Variants in PIP5K1A observed in about 807,000 individuals in gnomAD.
PIP5K1A encodes the protein phosphatidylinositol-4-phosphate 5-kinase type 1 alpha.
Under a neutral mutation model 72.9 loss-of-function variants are expected in PIP5K1A, and 46 were observed. The observed-to-expected ratio is 0.63, with a 90% confidence interval of 0.50 to 0.81. The LOEUF is 0.81. Ranked by LOEUF, PIP5K1A falls within the 30% of genes least tolerant of loss-of-function variation. The pLI, the probability that PIP5K1A is intolerant of heterozygous loss-of-function variation, is 0.00. For missense variants in PIP5K1A, 458 were observed against 706.1 expected, an observed-to-expected ratio of 0.65 and a Z score of 3.98; for synonymous variants, 228 against 255.1, an observed-to-expected ratio of 0.89 and a Z score of 1.01.
chr1:151,236,133 A>G (rs1690821823), intron 8 of PIP5K1A, among the ~76,000 whole-genome samples: 1 of 150,992 alleles, frequency 6.6e-6, no homozygotes, highest in Non-Finnish European at 1.5e-5. Context: ...AAAAAAAAAA[A>G]AAAAATTTAG....
chr1:151,224,502 C>G (rs1392833072), intron 3 of PIP5K1A, 96 bp downstream of exon 3: 20 of 876,680 alleles, frequency 2.3e-5, no homozygotes, highest in Non-Finnish European at 3.7e-5. Context: ...GTACCAAATG[C>G]AATATATACC....
At chr1:151,208,191 G>A (rs587667336) in intron 1 of PIP5K1A, among the ~76,000 whole-genome samples, 1 of 151,992 alleles carries the variant, frequency 6.6e-6, no homozygotes, top group East Asian at 1.9e-4. Flanking sequence ...CTTTTAATTG[G>A]CTATTAGCTG....
At chr1:151,227,013 G>A (rs1452140504) in intron 3 of PIP5K1A, among the ~76,000 whole-genome samples, 1 of 152,172 alleles carries the variant, frequency 6.6e-6, no homozygotes, top group Non-Finnish European at 1.5e-5. Flanking sequence ...GGCAACAAGA[G>A]CGAGACTCTG....
In PIP5K1A at chr1:151,232,338, A is replaced by C. The variant is rs1194515615; in HGVS notation, c.459A>C (p.Leu153=). Residue 153 remains leucine, a synonymous_variant, in exon 6 of 16, where the codon CTA becomes CTC. Coordinates refer to ENST00000368888, the MANE Select transcript of PIP5K1A (RefSeq NM_001135638.2). ...APVAFRYFRE[L]FGIRPDDYLY... ...TTGCCTTCCGCTACTTCCGGGAGCT[A>C]TTTGGTATCCGGCCCGATGATTACT... The C allele has an allele frequency of 6.2e-7, 1 of 1,613,804 alleles. No homozygotes were observed. Among genetic ancestry groups the C allele is most frequent in the Non-Finnish European group, 8.5e-7 (1 of 1,179,700 alleles).
intron 1 of PIP5K1A, among the ~76,000 whole-genome samples, chr1:151,220,510 C>G (rs1688269641): frequency 6.6e-6 from 1 of 151,938 alleles, no homozygotes; most frequent in African/African-American, 2.4e-5. Context: ...CTCTTTCGCC[C>G]AGGCAGGAGT....
At chr1:151,209,575 G>A (rs587622059) in intron 1 of PIP5K1A, among the ~76,000 whole-genome samples, 1 of 152,178 alleles carries the variant, frequency 6.6e-6, no homozygotes, top group South Asian at 2.1e-4. Flanking sequence ...GAGTAGCTGG[G>A]ATTACAGGTA....
chr1:151,228,005 T>C (rs924569681), intron 4 of PIP5K1A, among the ~76,000 whole-genome samples: 3 of 152,222 alleles, frequency 2.0e-5, no homozygotes, highest in Non-Finnish European at 2.9e-5. Flanking sequence ...GCCATTCTTA[T>C]CTTACCACAG....
chr1:151,211,590 A>C (rs1686797115), intron 1 of PIP5K1A, among the ~76,000 whole-genome samples: 1 of 151,792 alleles, frequency 6.6e-6, no homozygotes, highest in African/African-American at 2.4e-5. Flanking sequence ...AGGTCAGGAG[A>C]TCGAGACCAT....
Position 151,206,845 on chromosome 1 carries a change from C to T in PIP5K1A, c.85+7764C>T, listed in dbSNP as rs148620650. Among the ~76,000 whole-genome samples the T allele has an allele frequency of 4.5e-3, 686 of 152,178 alleles. 6 individuals carry two copies. Among genetic ancestry groups the T allele is most frequent in the African/African-American group, 0.016 (650 of 41,506 alleles). On this transcript the variant is annotated intron_variant, in intron 1 of 15. Coordinates refer to ENST00000368888, the MANE Select transcript of PIP5K1A (RefSeq NM_001135638.2). ...CCTCCCAAAGTGCTGGGATTATAGG[C>T]GTGAGCCACCTTCCCGGCTATTTTT...
chr1:151,243,133 A>G (rs1292774458), intron 14 of PIP5K1A, among the ~76,000 whole-genome samples: 1 of 152,194 alleles, frequency 6.6e-6, no homozygotes, highest in Non-Finnish European at 1.5e-5. Flanking sequence ...ATGGGTGTGA[A>G]TACCAGGAGG....
chr1:151,208,255 A>G (rs1461413077), intron 1 of PIP5K1A, among the ~76,000 whole-genome samples: 1 of 152,270 alleles, frequency 6.6e-6, no homozygotes, highest in African/African-American at 2.4e-5. Flanking sequence ...GTTTCTAGGG[A>G]CATCCTTGCA....
At chr1:151,235,662 T>C (rs587627004) in intron 8 of PIP5K1A, among the ~76,000 whole-genome samples, 2 of 152,334 alleles carry the variant, frequency 1.3e-5, no homozygotes, top group East Asian at 1.9e-4. Context: ...CAGAACCTCA[T>C]TGTGGAATCT....
chr1:151,208,719 C>CTTTTTTTTTT lies in PIP5K1A; in HGVS notation c.85+9659_85+9668dup, dbSNP rs61545057. On this transcript the variant is annotated intron_variant, in intron 1 of 15. Transcript: ENST00000368888. The stretch of plus-strand genomic sequence containing the variant: ...TTATTAAGGATGTTGTAATGGTACG[C>CTTTTTTTTTT]TTTTTTTTTTTTTTTTTTTTTTTTT... Among the ~76,000 whole-genome samples, 25 of 43,162 alleles carry CTTTTTTTTTT rather than the reference C, an allele frequency of 5.8e-4. 8 individuals are homozygous for CTTTTTTTTTT. The highest frequency in any genetic ancestry group is 9.5e-4 in the Non-Finnish European group (22 of 23,042). The allele number at this position is 43,162 out of a possible 152,430, so 28.3% of individuals were successfully genotyped here. A position where few individuals can be genotyped will look rare whatever the true frequency, so the allele number is the denominator to read the frequency against.
chr1:151,214,162 G>A (rs1002255803), intron 1 of PIP5K1A, among the ~76,000 whole-genome samples: 24 of 152,026 alleles, frequency 1.6e-4, no homozygotes, highest in Admixed American at 1.4e-3. Context: ...TATATTATCA[G>A]TTCCCTATTG....
chr1:151,199,156 A>G (rs765593260), intron 1 of PIP5K1A, 75 bp downstream of exon 1: 1 of 1,607,928 alleles, frequency 6.2e-7, no homozygotes, highest in African/African-American at 1.3e-5. Context: ...CTAAGAGGGT[A>G]CCTGTAGCTG....
upstream of PIP5K1A, among the ~76,000 whole-genome samples, chr1:151,197,146 G>A (rs1406528287): frequency 1.3e-5 from 2 of 152,136 alleles, no homozygotes; most frequent in African/African-American, 2.4e-5. Context: ...TCAGGCGTGA[G>A]CCACGGCGCC....
chr1:151,205,100 G>A (rs1685749609), intron 1 of PIP5K1A, among the ~76,000 whole-genome samples: 1 of 152,104 alleles, frequency 6.6e-6, no homozygotes, highest in African/African-American at 2.4e-5. Context: ...ATAATACCAG[G>A]CCAGCTAGCA....
intron 1 of PIP5K1A, among the ~76,000 whole-genome samples, chr1:151,204,063 T>C (rs879530349): frequency 6.6e-6 from 1 of 152,126 alleles, no homozygotes; most frequent in Non-Finnish European, 1.5e-5. Flanking sequence ...GGGACTTTTA[T>C]AGTAGGGACA....
intron 4 of PIP5K1A, among the ~76,000 whole-genome samples, chr1:151,231,111 G>A (rs956376224): frequency 4.0e-5 from 6 of 151,374 alleles, no homozygotes; most frequent in Non-Finnish European, 8.8e-5. Flanking sequence ...GGAGGCTGAG[G>A]CATGAGAATC....
Sources: allele counts gnomAD v4.1 joint callset (sites outside exome capture counted in the v4.1 genomes callset), GRCh38; gene constraint gnomAD v4.1.1; transcripts MANE v1.5; gene names NCBI Gene and HGNC (gene_info 2026-07-23, HGNC 2026-07-21).